Variants in DNAI4 observed in about 807,000 individuals in gnomAD.
The protein encoded by DNAI4 is dynein axonemal intermediate chain 4.
DNAI4 carries 85 observed loss-of-function variants against 105.8 expected under a neutral mutation model. The observed-to-expected ratio is 0.80, with a 90% CI of 0.67 to 0.96. The LOEUF (loss-of-function observed/expected upper bound fraction) is 0.96. DNAI4 is among the 40% of genes least tolerant of loss of function. The pLI, the probability that DNAI4 is intolerant of heterozygous loss-of-function variation, is 0.00. For missense variants in DNAI4, 1,014 were observed against 1,005.6 expected, an observed-to-expected ratio of 1.01 and a Z score of -0.11; for synonymous variants, 352 against 331.5, an observed-to-expected ratio of 1.06 and a Z score of -0.67.
intron 9 of DNAI4, among the ~76,000 whole-genome samples, chr1:66,840,049 A>G (rs1425716284): frequency 6.6e-6 from 1 of 152,204 alleles, no homozygotes; most frequent in Non-Finnish European, 1.5e-5. Flanking sequence ...TATTTTGCAC[A>G]CTTGTAAGGT....
intron 1 of DNAI4, among the ~76,000 whole-genome samples, chr1:66,907,256 C>T (rs1649327649): frequency 6.6e-6 from 1 of 152,178 alleles, no homozygotes; most frequent in South Asian, 2.1e-4. Flanking sequence ...TCGTTTCTGT[C>T]ATACCACAGA....
intron 1 of DNAI4, among the ~76,000 whole-genome samples, chr1:66,910,224 G>A (rs900241908): frequency 6.6e-6 from 1 of 151,544 alleles, no homozygotes; most frequent in Non-Finnish European, 1.5e-5. Context: ...AACAAATATA[G>A]AACAATAAGA....
At chr1:66,883,699 T>A (rs1647131399) in intron 4 of DNAI4, among the ~76,000 whole-genome samples, 1 of 152,194 alleles carries the variant, frequency 6.6e-6, no homozygotes, top group African/African-American at 2.4e-5. Flanking sequence ...TTTATAGGAA[T>A]ATACAATTTT....
chr1:66,891,382 G>A (rs1647631208), intron 3 of DNAI4, 116 bp from the exon 4 acceptor site: 1 of 628,700 alleles, frequency 1.6e-6, no homozygotes, highest in Non-Finnish European at 2.7e-6. Flanking sequence ...GATCATATAA[G>A]CAAAATAGAT....
chr1:66,884,958 T>C (rs1647162060), intron 4 of DNAI4, among the ~76,000 whole-genome samples: 1 of 152,248 alleles, frequency 6.6e-6, no homozygotes, highest in African/African-American at 2.4e-5. Flanking sequence ...TCTTCTTTTC[T>C]AACATATGCA....
chr1:66,837,364 C>CAAAAAAA (rs529364212), intron 10 of DNAI4, among the ~76,000 whole-genome samples: 2 of 82,560 alleles, frequency 2.4e-5, no homozygotes, highest in Non-Finnish European at 4.9e-5. Flanking sequence ...GACTCTGTCT[C>CAAAAAAA]AAAAAAAAAA....
chr1:66,832,165 A>G (rs1286301964), intron 13 of DNAI4, among the ~76,000 whole-genome samples: 1 of 152,214 alleles, frequency 6.6e-6, no homozygotes, highest in Non-Finnish European at 1.5e-5. Context: ...ACTAGAGTCA[A>G]AGTTAAGGTG....
In DNAI4 at chr1:66,827,502, A is replaced by T. The variant is rs533883692; in HGVS notation, c.2112+310T>A. On this transcript the variant is annotated intron_variant, in intron 14 of 16. Coordinates refer to ENST00000371026, the MANE Select transcript of DNAI4 (RefSeq NM_024763.5). ...AGACCCATCTCTTAAAAAAAACATTAAAAAAAATAAGCTATAGAGACTAGG... is the reference window on the plus strand; with the variant it reads ...AGACCCATCTCTTAAAAAAAACATTTAAAAAAATAAGCTATAGAGACTAGG... Among the ~76,000 whole-genome samples the T allele has an allele frequency of 2.7e-5, 4 of 149,920 alleles. No individual in the cohort carries two copies. In the East Asian group the frequency reaches 5.8e-4, roughly 22 times the overall value.
intron 16 of DNAI4, among the ~76,000 whole-genome samples, chr1:66,815,283 C>A (rs542525137): frequency 6.6e-6 from 1 of 152,014 alleles, no homozygotes; most frequent in South Asian, 2.1e-4. Context: ...ATCCTTAGAC[C>A]GTGTCACATA....
At chr1:66,835,891 C>G in intron 10 of DNAI4, 114 bp from the exon 11 acceptor site, 1 of 837,644 alleles carries the variant, frequency 1.2e-6, no homozygotes, top group Non-Finnish European at 1.9e-6. Context: ...AGAGTTAGCC[C>G]ACATTCAGTT....
At chr1:66,853,423 A>G (rs1646437538) in intron 7 of DNAI4, among the ~76,000 whole-genome samples, 1 of 152,218 alleles carries the variant, frequency 6.6e-6, no homozygotes, top group Non-Finnish European at 1.5e-5. Context: ...ATGAGGAACA[A>G]GTGGGCTCTA....
At chr1:66,815,730 C>A (rs971315738) in intron 16 of DNAI4, among the ~76,000 whole-genome samples, 1 of 152,200 alleles carries the variant, frequency 6.6e-6, no homozygotes. Context: ...AGACCACCAG[C>A]AATCCTCATC....
At position 66,862,198 on chromosome 1, in the gene DNAI4, C is replaced by A. The variant is rs751578403; in HGVS notation, c.1045G>T (p.Val349Leu). Residue 349 changes from valine to leucine, a missense_variant, in exon 7 of 17, where the codon GTA (valine) becomes TTA (leucine). Transcript: ENST00000371026. Reference sequence around the variant, plus strand: ...CTTTGGTCCTGATCTTTAGGAAGTACATTTGCTTTACTACTTGACTCAACC... The same window carrying A: ...CTTTGGTCCTGATCTTTAGGAAGTAAATTTGCTTTACTACTTGACTCAACC... ...SVVESSSKAN[V>L]LPKDQDQRLP... 1 of 1,606,220 alleles carries A rather than the reference C, an allele frequency of 6.2e-7. No homozygotes were observed. Among genetic ancestry groups the A allele is most frequent in the Admixed American group, 1.7e-5 (1 of 58,456 alleles).
chr1:66,852,680 AT>A (rs1206400956), intron 7 of DNAI4, among the ~76,000 whole-genome samples: 3 of 152,070 alleles, frequency 2.0e-5, no homozygotes, highest in South Asian at 2.1e-4. Context: ...TAAAAAAAAA[AT>A]CTCTCAGAAA....
intron 6 of DNAI4, chr1:66,871,101 G>A (rs1212442730): frequency 8.3e-6 from 3 of 363,190 alleles, no homozygotes; most frequent in Non-Finnish European, 1.5e-5. Flanking sequence ...TAAATAATCA[G>A]TTTATATAAA....
At chr1:66,895,694 C>T (rs1254896284) in intron 2 of DNAI4, among the ~76,000 whole-genome samples, 2 of 151,948 alleles carry the variant, frequency 1.3e-5, no homozygotes, top group Non-Finnish European at 2.9e-5. Flanking sequence ...TTATAGATAG[C>T]CTAAATAAGA....
At chr1:66,906,981 T>C (rs1172278352) in intron 1 of DNAI4, 2 of 152,144 alleles carry the variant, frequency 1.3e-5, no homozygotes, top group Admixed American at 1.3e-4. Context: ...CATCCATAAT[T>C]CCAGGTCTCC....
At chr1:66,848,242 C>G (rs1646319685) in intron 7 of DNAI4, 1 of 456,114 alleles carries the variant, frequency 2.2e-6, no homozygotes, top group African/African-American at 2.0e-5. Context: ...CCTTCATCTT[C>G]AAAGACAGCA....
intron 3 of DNAI4, among the ~76,000 whole-genome samples, chr1:66,892,978 A>AG (rs1457194248): frequency 1.5e-5 from 2 of 135,964 alleles, no homozygotes; most frequent in Admixed American, 7.2e-5. Flanking sequence ...AGAAAGAAAG[A>AG]AAGAAAGAAA....
Sources: gnomAD v4.1 joint callset for allele counts (sites outside exome capture counted in the v4.1 genomes callset) on GRCh38, gnomAD v4.1.1 for gene constraint, MANE v1.5 for transcripts, NCBI Gene and HGNC (gene_info 2026-07-23, HGNC 2026-07-21) for gene names.